Variants in TLR7 observed in about 807,000 individuals in gnomAD.
TLR7 encodes toll like receptor 7, also known as toll-like receptor 7.
A neutral mutation model predicts 38.3 loss-of-function variants in TLR7; 12 were observed. The ratio of observed to expected loss-of-function variants is 0.31; its 90% CI spans 0.20 to 0.51. The LOEUF is 0.51. TLR7 is among the 20% of genes least tolerant of loss of function. The probability of loss-of-function intolerance (pLI) is 0.98; values close to 1 mark genes in which losing one functional copy is unlikely to be tolerated. For missense variants in TLR7, 504 were observed against 743.4 expected, an observed-to-expected ratio of 0.68 and a Z score of 3.74; for synonymous variants, 285 against 293.8, an observed-to-expected ratio of 0.97 and a Z score of 0.31.
chrX:12,877,536 G>A (rs1035586756), intron 2 of TLR7: 1 of 110,396 alleles, frequency 9.1e-6, no homozygotes, highest in East Asian at 2.8e-4. Context: ...AGAGCCAAGA[G>A]ATGTTTTGTT....
chrX:12,867,462 T>C lies in TLR7; in HGVS notation c.-98-19T>C. 1 of 613,807 alleles carries C rather than the reference T, an allele frequency of 1.6e-6. No homozygotes were observed. Among genetic ancestry groups the C allele is most frequent in the Non-Finnish European group, 2.7e-6 (1 of 373,523 alleles). The allele number at this position is 613,807 out of a possible 1,213,427, so 50.6% of individuals were successfully genotyped here. On this transcript the variant is annotated intron_variant, in intron 1 of 2. Coordinates refer to ENST00000380659, the MANE Select transcript of TLR7 (RefSeq NM_016562.4). The stretch of plus-strand genomic sequence containing the variant: ...GCTGTCTTTGAAATGTAAACTTTGA[T>C]GTCTTCTCTTTCTCTTAGTTGATGC...
intron 2 of TLR7, among the ~76,000 whole-genome samples, chrX:12,875,574 G>A (rs188128544): frequency 8.8e-4 from 99 of 111,982 alleles, no homozygotes; most frequent in Middle Eastern, 9.2e-3. Context: ...TTGTGGGAGG[G>A]ACCCAGTGGG....
At chrX:12,881,580 A>G (rs950902527) in intron 2 of TLR7, among the ~76,000 whole-genome samples, 7 of 93,331 alleles carry the variant, frequency 7.5e-5, no homozygotes, top group African/African-American at 2.2e-4. Flanking sequence ...ATAATAAATA[A>G]CTGAGTTATT....
intron 2 of TLR7, among the ~76,000 whole-genome samples, chrX:12,876,234 A>T (rs965341310): frequency 3.6e-5 from 4 of 112,091 alleles, no homozygotes; most frequent in Non-Finnish European, 3.8e-5. Context: ...CTGGGATTTC[A>T]TGTGTGAGCC....
At chrX:12,881,301 T>A (rs1434222858) in intron 2 of TLR7, among the ~76,000 whole-genome samples, 3 of 108,276 alleles carry the variant, frequency 2.8e-5, no homozygotes, top group Non-Finnish European at 5.7e-5. Context: ...AGCTTTGTCC[T>A]AACTCAGTTG....
chrX:12,875,899 A>T (rs1264936778), intron 2 of TLR7, among the ~76,000 whole-genome samples: 1 of 111,664 alleles, frequency 9.0e-6, no homozygotes, highest in African/African-American at 3.3e-5. Flanking sequence ...AAATCATCTT[A>T]AAAATATCTT....
chrX:12,879,395 C>T (rs1199239373), intron 2 of TLR7, among the ~76,000 whole-genome samples: 1 of 111,974 alleles, frequency 8.9e-6, no homozygotes, highest in Non-Finnish European at 1.9e-5. Context: ...TGCATTTGTG[C>T]AATAGAAAAT....
Position 12,888,194 on chromosome X carries a change from G to C in TLR7, c.2686G>C (p.Val896Leu). Residue 896 changes from valine to leucine, a missense_variant, in exon 3 of 3, where the codon GTG becomes CTG. Transcript: ENST00000380659. ...AGACTGTTGCTATGATGCTTTTATT[G>C]TGTATGACACTAAAGACCCAGCTGT... is the stretch of plus-strand genomic sequence containing the variant. ...SPDCCYDAFIVYDTKDPAVTE... is the reference protein window; with the variant it reads ...SPDCCYDAFILYDTKDPAVTE... 1 of 1,211,668 alleles carries C rather than the reference G, an allele frequency of 8.3e-7. No homozygotes were observed. The highest frequency in any genetic ancestry group is 1.8e-5 in the South Asian group (1 of 56,991).
At chrX:12,879,367 A>G (rs2042883697) in intron 2 of TLR7, among the ~76,000 whole-genome samples, 2 of 112,046 alleles carry the variant, frequency 1.8e-5, no homozygotes, top group African/African-American at 3.2e-5. Flanking sequence ...CAAATTCTAT[A>G]CTGGTTAAAA....
chrX:12,887,859 G>A lies in TLR7; in HGVS notation c.2351G>A (p.Arg784Gln), dbSNP rs2042916801. 7.4e-6 allele frequency: 9 copies of A among 1,211,463 alleles called. No homozygotes were observed. The highest frequency in any genetic ancestry group is 8.9e-6 in the Non-Finnish European group (8 of 895,320). ...AAGATGTTGCTTTTGCATCATAATC[G>A]GTTTCTGTGCACCTGTGATGCTGTG... ...NLKMLLLHHNRFLCTCDAVWF... is the reference protein window; with the variant it reads ...NLKMLLLHHNQFLCTCDAVWF... Residue 784 changes from arginine (R) to glutamine (Q), a missense_variant, in exon 3 of 3, where the codon CGG becomes CAG. Physicochemically the swap from Arg to Gln is conservative, Grantham distance 43. Coordinates refer to ENST00000380659, the MANE Select transcript of TLR7 (RefSeq NM_016562.4).
chrX:12,881,721 C>A (rs1052247182), intron 2 of TLR7, among the ~76,000 whole-genome samples: 1 of 109,998 alleles, frequency 9.1e-6, no homozygotes, highest in Admixed American at 9.7e-5. Flanking sequence ...GTACATGTAG[C>A]GTATTACCTT....
chrX:12,880,163 G>A (rs957090831), intron 2 of TLR7, among the ~76,000 whole-genome samples: 7 of 111,422 alleles, frequency 6.3e-5, no homozygotes, highest in African/African-American at 1.3e-4. Flanking sequence ...CATCCAACAC[G>A]TATCTGTCAA....
chrX:12,887,033 A>G lies in TLR7; in HGVS notation c.1525A>G (p.Lys509Glu), dbSNP rs768437177. ...AAGTAAAAATAGTATATTTTTTGTC[A>G]AGTCCTCTGATTTTCAGCATCTTTC... Reference protein sequence around the residue: ...DLSKNSIFFVKSSDFQHLSFL... With the variant: ...DLSKNSIFFVESSDFQHLSFL... The change falls in exon 3 of 3, where the codon AAG becomes GAG. Residue 509 changes from lysine (K) to glutamate (E), a missense_variant. Physicochemically the swap from Lys to Glu is moderately conservative, Grantham distance 56 (BLOSUM62 1). Coordinates refer to ENST00000380659, the MANE Select transcript of TLR7 (RefSeq NM_016562.4). 1 of 1,210,884 alleles carries G rather than the reference A, an allele frequency of 8.3e-7. No homozygotes were observed. Among genetic ancestry groups the G allele is most frequent in the East Asian group, 3.0e-5 (1 of 33,867 alleles).
chrX:12,869,918 T>C (rs984432466), intron 2 of TLR7, among the ~76,000 whole-genome samples: 2 of 107,519 alleles, frequency 1.9e-5, no homozygotes, highest in Non-Finnish European at 3.8e-5. Flanking sequence ...TATTATGTAA[T>C]CATCAAATCA....
Position 12,887,643 on chromosome X carries a change from C to T in TLR7, c.2135C>T (p.Thr712Ile), listed in dbSNP as rs370146006. The stretch of plus-strand genomic sequence containing the variant: ...TTGGACCTCAGCCACAACCAACTGA[C>T]CACTGTCCCTGAGAGATTATCCAAC... Reference protein sequence around the residue: ...ETLDLSHNQLTTVPERLSNCS... With the variant: ...ETLDLSHNQLITVPERLSNCS... The change falls in exon 3 of 3, where the codon ACC (threonine) becomes ATC (isoleucine). Residue 712 changes from threonine (T) to isoleucine (I), a missense_variant. Transcript: ENST00000380659. 8.3e-7 allele frequency: 1 copy of T among 1,209,292 alleles called. No homozygotes were observed. Among genetic ancestry groups the T allele is most frequent in the African/African-American group, 1.8e-5 (1 of 57,097 alleles).
rs1236245496 is a variant in TLR7, at chrX:12,886,081, T to C, written c.573T>C (p.Val191=). Residue 191 remains valine (V), a synonymous_variant, in exon 3 of 3, where the codon GTT becomes GTC. Transcript: ENST00000380659. The part of the protein sequence containing the change: ...QNCYYRNPCY[V]SYSIEKDAFL... ...GTTATTATCGAAATCCTTGTTATGT[T>C]TCATATTCAATAGAGAAAGATGCCT... 8.3e-7 allele frequency: 1 copy of C among 1,211,299 alleles called. No individual in the cohort carries two copies. Among genetic ancestry groups the C allele is most frequent in the Admixed American group, 2.2e-5 (1 of 46,012 alleles).
chrX:12,871,428 G>A (rs988512289), intron 2 of TLR7, among the ~76,000 whole-genome samples: 2 of 111,710 alleles, frequency 1.8e-5, no homozygotes, highest in Non-Finnish European at 3.8e-5. Context: ...ATGGCAAAAA[G>A]TCAATGAATT....
At position 12,887,328 on chromosome X, in the gene TLR7, A is replaced by T; in HGVS notation, c.1820A>T (p.Asp607Val). 8.3e-7 allele frequency: 1 copy of T among 1,212,030 alleles called. No individual in the cohort carries two copies. Among genetic ancestry groups the T allele is most frequent in the Non-Finnish European group, 1.1e-6 (1 of 895,552 alleles). ...CAGAAACTGATGATGAACGACAATG[A>T]CATCTCTTCCTCCACCAGCAGGACC... ...VLQKLMMNDN[D>V]ISSSTSRTME... Residue 607 changes from aspartate to valine, a missense_variant, in exon 3 of 3, where the codon GAC becomes GTC. Physicochemically the swap from Asp to Val is radical, Grantham distance 152 (BLOSUM62 -3). Coordinates refer to ENST00000380659, the MANE Select transcript of TLR7 (RefSeq NM_016562.4).
rs777679420 is a variant in TLR7 at position 12,885,954 on chromosome X, G to C, written c.446G>C (p.Ser149Thr). The change falls in exon 3 of 3, where the codon AGC (serine) becomes ACC (threonine). Residue 149 changes from serine to threonine, a missense_variant. Ser to Thr is a moderately conservative substitution (Grantham distance 58). Transcript: ENST00000380659. ...GAGATACCGCAGGGCCTCCCGCCTA[G>C]CTTACAGCTTCTCAGCCTTGAGGCC... Reference protein sequence around the residue: ...LLEIPQGLPPSLQLLSLEANN... With the variant: ...LLEIPQGLPPTLQLLSLEANN... The C allele has an allele frequency of 1.7e-6, 2 of 1,212,009 alleles. No homozygotes were observed. The highest frequency in any genetic ancestry group is 4.3e-5 in the Admixed American group (2 of 46,070).
Sources: gnomAD v4.1 joint callset for allele counts (sites outside exome capture counted in the v4.1 genomes callset) on GRCh38, gnomAD v4.1.1 for gene constraint, MANE v1.5 for transcripts, NCBI Gene and HGNC (gene_info 2026-07-23, HGNC 2026-07-21) for gene names.